The following ITIH5 variants were observed in gnomAD, a reference collection of about 807,000 sequenced individuals.
The protein encoded by ITIH5 is inter-alpha-trypsin inhibitor heavy chain H5.
ITIH5 carries 65 observed loss-of-function variants against 77.5 expected under a neutral mutation model. The observed-to-expected ratio is 0.84, with a 90% confidence interval of 0.69 to 1.03. The LOEUF (loss-of-function observed/expected upper bound fraction) is 1.03. ITIH5 is among the 50% of genes least tolerant of loss of function. The pLI, the probability that ITIH5 is intolerant of heterozygous loss-of-function variation, is 0.00. For synonymous variants in ITIH5, 525 were observed against 494.3 expected, an observed-to-expected ratio of 1.06 and a Z score of -0.82; for missense variants, 1,208 against 1,213.1, an observed-to-expected ratio of 1.00 and a Z score of 0.06.
At chr10:7,656,925 G>A (rs201458820) in intron 1 of ITIH5, among the ~76,000 whole-genome samples, 1 of 150,816 alleles carries the variant, frequency 6.6e-6, no homozygotes, top group Non-Finnish European at 1.5e-5. Flanking sequence ...TGTATTTTTA[G>A]TAGAGATGGA....
At chr10:7,588,259 G>A (rs569347175) in intron 7 of ITIH5, among the ~76,000 whole-genome samples, 5 of 152,120 alleles carry the variant, frequency 3.3e-5, no homozygotes, top group South Asian at 4.1e-4. Flanking sequence ...TGGTGCACAC[G>A]TGTAATCTCA....
rs910811362 is a variant in ITIH5, at chr10:7,579,880, G to A, written c.1293C>T (p.Val431=). ...NNTREAARGQ[V]CIFTIGIGND... The stretch of plus-strand genomic sequence containing the variant: ...TGCCGATGCCAATGGTGAAGATGCA[G>A]ACTTGGCCTCGGGCGGCCTCTCGGG... The change falls in exon 9 of 14, where the codon GTC becomes GTT. Residue 431 remains valine, a synonymous_variant. Coordinates refer to ENST00000397146, the MANE Select transcript of ITIH5 (RefSeq NM_030569.7). The A allele has an allele frequency of 6.2e-7, 1 of 1,614,232 alleles. No individual in the cohort carries two copies. Among genetic ancestry groups the A allele is most frequent in the South Asian group, 1.1e-5 (1 of 91,080 alleles).
At chr10:7,637,634 T>C (rs1588419044) in intron 4 of ITIH5, among the ~76,000 whole-genome samples, 156 bp from the exon 5 acceptor site, 1 of 151,948 alleles carries the variant, frequency 6.6e-6, no homozygotes, top group Admixed American at 6.6e-5. Flanking sequence ...AAAATAAAAA[T>C]TCGTATTAGA....
intron 5 of ITIH5, chr10:7,619,518 ACT>A (rs1833434389): frequency 7.7e-6 from 2 of 261,004 alleles, no homozygotes; most frequent in South Asian, 3.5e-5. Flanking sequence ...CCATTTTCAC[ACT>A]GTTATCAAGA....
Position 7,585,849 on chromosome 10 carries a change from A to AAG in ITIH5, c.1108+51_1108+52insCT, listed in dbSNP as rs1564245414. The AAG allele has an allele frequency of 2.6e-5, 38 of 1,470,878 alleles. No individual in the cohort carries two copies. In the African/African-American group the frequency reaches 4.6e-4, roughly 18 times the overall value. The allele number at this position is 1,470,878 out of a possible 1,614,324, so 91.1% of individuals were successfully genotyped here. ...GCAAAAAAAAAAAAAAACCAAAAAAAAAAACATTATTTCAAAGCCAAGCCA... is the reference window on the plus strand; with the variant it reads ...GCAAAAAAAAAAAAAAACCAAAAAAAAGAAAACATTATTTCAAAGCCAAGCCA... On this transcript the variant is annotated intron_variant, in intron 8 of 13. Coordinates refer to ENST00000397146, the MANE Select transcript of ITIH5 (RefSeq NM_030569.7).
chr10:7,575,621 G>A (rs1201004961), intron 10 of ITIH5, among the ~76,000 whole-genome samples: 1 of 152,100 alleles, frequency 6.6e-6, no homozygotes, highest in East Asian at 1.9e-4. Flanking sequence ...AATGGCACCG[G>A]GACTGACTGT....
In ITIH5 at chr10:7,627,149, C is replaced by T. The variant is rs183346192; in HGVS notation, c.653-9867G>A. Among the ~76,000 whole-genome samples the T allele has an allele frequency of 2.4e-3, 370 of 152,008 alleles. 4 individuals are homozygous for T. Among genetic ancestry groups the T allele is most frequent in the African/African-American group, 8.4e-3 (347 of 41,470 alleles). ...ATAATTTCAAAAACGGGGTGGTGGG[C>T]AAGGGGAGGGAAAGCATTAGGACAA... is the stretch of plus-strand genomic sequence containing the variant. On this transcript the variant is annotated intron_variant, in intron 5 of 13. Transcript: ENST00000397146.
chr10:7,641,240 A>G (rs577396280), intron 3 of ITIH5, among the ~76,000 whole-genome samples: 9 of 152,182 alleles, frequency 5.9e-5, no homozygotes, highest in African/African-American at 2.2e-4. Flanking sequence ...AGTATATCAA[A>G]GGTTCTACAC....
intron 5 of ITIH5, among the ~76,000 whole-genome samples, chr10:7,632,505 T>G (rs577706935): frequency 6.6e-6 from 1 of 152,168 alleles, no homozygotes; most frequent in Non-Finnish European, 1.5e-5. Flanking sequence ...GGATAAACTA[T>G]GAAAATCATA....
intron 13 of ITIH5, among the ~76,000 whole-genome samples, chr10:7,565,417 T>C (rs1162666262): frequency 6.7e-6 from 1 of 150,022 alleles, no homozygotes; most frequent in Admixed American, 6.6e-5. Context: ...ACATAGACAG[T>C]ATACATACAT....
rs574158340 is a variant in ITIH5, at chr10:7,576,545, C to T, written c.1886G>A (p.Arg629His). ...TSMKLRGPVPRMDGLEEAHGM... is the reference protein window; with the variant it reads ...TSMKLRGPVPHMDGLEEAHGM... ...GTGGGCCTCCTCCAGGCCATCCATG[C>T]GTGGGACCGGCCCCCTCAGCTTCAT... The change falls in exon 10 of 14, where the codon CGC (arginine) becomes CAC (histidine). Residue 629 changes from arginine to histidine, a missense_variant. Physicochemically the swap from Arg to His is conservative, Grantham distance 29. Transcript: ENST00000397146. 1.9e-5 allele frequency: 30 copies of T among 1,613,336 alleles called. No homozygotes were observed. The highest frequency in any genetic ancestry group is 1.0e-4 in the Admixed American group (6 of 60,026).
In ITIH5 at chr10:7,560,011, C is replaced by T. The variant is rs560231808; in HGVS notation, c.*3072G>A. The T allele has an allele frequency of 3.0e-4, 106 of 347,656 alleles. 1 individual carries two copies. Among genetic ancestry groups the T allele is most frequent in the African/African-American group, 2.3e-3 (104 of 45,356 alleles). The allele number at this position is 347,656 out of a possible 1,614,324, so 21.5% of individuals were successfully genotyped here. On this transcript the variant is annotated 3_prime_UTR_variant, in exon 14 of 14. Transcript: ENST00000397146. ...GAACTACAGGCACGCACCACCACGC[C>T]CAGCTAATTTTTGTATTTTTAGTAG...
intron 1 of ITIH5, among the ~76,000 whole-genome samples, chr10:7,658,311 A>AAT (rs1360469159): frequency 6.6e-6 from 1 of 152,094 alleles, no homozygotes; most frequent in Non-Finnish European, 1.5e-5. Context: ...CCCCACCCAA[A>AAT]ATATATATAT....
chr10:7,563,260 G>C lies in ITIH5; in HGVS notation c.2652C>G (p.His884Gln). 3.1e-6 allele frequency: 5 copies of C among 1,614,210 alleles called. No individual in the cohort carries two copies. The highest frequency in any genetic ancestry group is 3.4e-6 in the Non-Finnish European group (4 of 1,180,036). Residue 884 changes from histidine to glutamine, a missense_variant, in exon 14 of 14, where the codon CAC becomes CAG. Coordinates refer to ENST00000397146, the MANE Select transcript of ITIH5 (RefSeq NM_030569.7). ...GPEAVLTVKG[H>Q]QVPVVWKQRK... ...TTTGCTTCCAGACCACTGGGACTTG[G>C]TGGCCTTTCACTGTTAGGACGGCCT...
At chr10:7,625,636 G>A (rs568535310) in intron 5 of ITIH5, among the ~76,000 whole-genome samples, 33 of 152,028 alleles carry the variant, frequency 2.2e-4, no homozygotes, top group Admixed American at 2.0e-3. Context: ...CTGGTGGCGT[G>A]AGCTTGTAAC....
intron 9 of ITIH5, chr10:7,578,847 T>C (rs1309673739): frequency 6.6e-6 from 1 of 152,208 alleles, no homozygotes; most frequent in Non-Finnish European, 1.5e-5. Context: ...AGGGAAGCTA[T>C]TTCTGTTTTA....
chr10:7,574,570 G>T (rs1832368109), intron 10 of ITIH5, among the ~76,000 whole-genome samples: 1 of 151,998 alleles, frequency 6.6e-6, no homozygotes. Context: ...CAGGTGGGCG[G>T]ATCACAAGGT....
chr10:7,624,795 AAAAAT>A (rs1163433683), intron 5 of ITIH5, among the ~76,000 whole-genome samples: 1 of 14,262 alleles, frequency 7.0e-5, no homozygotes, highest in Non-Finnish European at 1.4e-4. Context: ...AAAAAAAAAA[AAAAAT>A]ATATATATAT....
At chr10:7,611,227 T>G (rs972435993) in intron 7 of ITIH5, among the ~76,000 whole-genome samples, 3 of 152,240 alleles carry the variant, frequency 2.0e-5, no homozygotes, top group African/African-American at 7.2e-5. Flanking sequence ...AGTTTCTCCA[T>G]CAGTAAAATG....
Sources: gnomAD v4.1 joint callset for allele counts (sites outside exome capture counted in the v4.1 genomes callset) on GRCh38, gnomAD v4.1.1 for gene constraint, MANE v1.5 for transcripts, NCBI Gene and HGNC (gene_info 2026-07-23, HGNC 2026-07-21) for gene names.